The following HPSE2 variants were observed in gnomAD, a reference collection of about 807,000 sequenced individuals.
HPSE2 encodes the protein heparanase 2 (inactive).
Under a neutral mutation model 60.5 loss-of-function variants are expected in HPSE2, and 38 were observed. The ratio of observed to expected loss-of-function variants is 0.63; its 90% confidence interval spans 0.48 to 0.82. The LOEUF is 0.82. HPSE2 is among the 40% of genes least tolerant of loss of function. The pLI is 0.00. For missense variants in HPSE2, 713 were observed against 740.4 expected (o/e 0.96, Z 0.43); for synonymous variants, 295 against 293.2 (o/e 1.01, Z -0.06).
intron 3 of HPSE2, among the ~76,000 whole-genome samples, chr10:99,102,728 C>T (rs1300422302): frequency 2.0e-5 from 3 of 152,144 alleles, no homozygotes; most frequent in Admixed American, 6.5e-5. Context: ...ATGCAAAAAT[C>T]CTCAATAAAA....
At chr10:98,897,582 G>T (rs1953530822) in intron 3 of HPSE2, among the ~76,000 whole-genome samples, 1 of 151,906 alleles carries the variant, frequency 6.6e-6, no homozygotes, top group Admixed American at 6.6e-5. Context: ...TAATAAACCG[G>T]CAAAGGCAAT....
chr10:99,072,720 T>C (rs1393955875), intron 3 of HPSE2, among the ~76,000 whole-genome samples: 1 of 151,938 alleles, frequency 6.6e-6, no homozygotes, highest in African/African-American at 2.4e-5. Context: ...GGTCAAGAGA[T>C]AGAGATCATC....
At chr10:98,634,803 G>A (rs927008618) in intron 7 of HPSE2, among the ~76,000 whole-genome samples, 3 of 152,098 alleles carry the variant, frequency 2.0e-5, no homozygotes, top group East Asian at 1.9e-4. Context: ...CTCATATGAC[G>A]AACCATACAA....
the HPSE2 span, among the ~76,000 whole-genome samples, chr10:99,249,781 C>A: frequency 6.6e-6 from 1 of 152,118 alleles, no homozygotes; most frequent in African/African-American, 2.4e-5. Flanking sequence ...ATGATTGGAT[C>A]ATGGGGGTGG....
At chr10:98,664,646 C>T (rs2134095530) in intron 6 of HPSE2, among the ~76,000 whole-genome samples, 1 of 152,292 alleles carries the variant, frequency 6.6e-6, no homozygotes, top group Non-Finnish European at 1.5e-5. Context: ...TCTCAGGCGC[C>T]ATCTACTGGA....
chr10:99,059,382 C>T (rs1396274398), intron 3 of HPSE2, among the ~76,000 whole-genome samples: 1 of 152,186 alleles, frequency 6.6e-6, no homozygotes, highest in African/African-American at 2.4e-5. Context: ...AAATATATAT[C>T]TGAAATAAAT....
chr10:98,482,181 A>G (rs1941261940), intron 11 of HPSE2, among the ~76,000 whole-genome samples: 1 of 152,088 alleles, frequency 6.6e-6, no homozygotes, highest in Admixed American at 6.5e-5. Flanking sequence ...CCTTCCTGTA[A>G]GCCCTGTGAG....
At chr10:98,796,237 A>G (rs867151580) in intron 3 of HPSE2, among the ~76,000 whole-genome samples, 2 of 152,208 alleles carry the variant, frequency 1.3e-5, no homozygotes, top group South Asian at 2.1e-4. Flanking sequence ...CCCTGAGTCC[A>G]GGCCTAGGCT....
At chr10:99,220,264 A>C (rs1038267882) in intron 2 of HPSE2, among the ~76,000 whole-genome samples, 1 of 152,170 alleles carries the variant, frequency 6.6e-6, no homozygotes, top group East Asian at 1.9e-4. Context: ...ACAAATAACA[A>C]ACAGATAACT....
chr10:99,081,556 T>C (rs1589625224), intron 3 of HPSE2, among the ~76,000 whole-genome samples: 1 of 151,866 alleles, frequency 6.6e-6, no homozygotes, highest in Admixed American at 6.6e-5. Flanking sequence ...AAGAAGCTAC[T>C]AGAGTGCTAT....
intron 3 of HPSE2, among the ~76,000 whole-genome samples, chr10:99,119,257 T>C (rs1564822559): frequency 6.6e-6 from 1 of 151,850 alleles, no homozygotes; most frequent in African/African-American, 2.4e-5. Context: ...AGTCTCAAGA[T>C]AAAAAATCAA....
At chr10:99,104,032 C>T (rs1844133638) in intron 3 of HPSE2, among the ~76,000 whole-genome samples, 1 of 152,072 alleles carries the variant, frequency 6.6e-6, no homozygotes, top group Non-Finnish European at 1.5e-5. Context: ...ATAAAAACCC[C>T]AGGAGAAAAC....
At chr10:99,167,212 T>C (rs1409088989) in intron 2 of HPSE2, among the ~76,000 whole-genome samples, 1 of 152,156 alleles carries the variant, frequency 6.6e-6, no homozygotes, top group Admixed American at 6.5e-5. Context: ...AGTTTCACCA[T>C]GTTGGCCAGG....
intron 4 of HPSE2, among the ~76,000 whole-genome samples, chr10:98,725,122 G>A (rs532155866): frequency 3.6e-4 from 55 of 152,220 alleles, no homozygotes; most frequent in African/African-American, 1.3e-3. Flanking sequence ...TTTCTTCACA[G>A]AATTGGAAAA....
chr10:99,132,880 C>T (rs997616128), intron 3 of HPSE2, among the ~76,000 whole-genome samples: 5 of 152,146 alleles, frequency 3.3e-5, no homozygotes, highest in Admixed American at 6.5e-5. Flanking sequence ...GAAACGCCAG[C>T]GAGACAGAAC....
intron 3 of HPSE2, among the ~76,000 whole-genome samples, chr10:99,137,110 G>A (rs1050296521): frequency 3.3e-5 from 5 of 152,144 alleles, no homozygotes; most frequent in Admixed American, 1.3e-4. Flanking sequence ...GACAAACAGA[G>A]AGCCAAATCA....
chr10:99,146,175 T>C (rs1347632286), intron 2 of HPSE2, among the ~76,000 whole-genome samples: 1 of 152,218 alleles, frequency 6.6e-6, no homozygotes, highest in Non-Finnish European at 1.5e-5. Context: ...TTATATAAAT[T>C]ACGTTCTATA....
intron 3 of HPSE2, among the ~76,000 whole-genome samples, chr10:98,796,941 C>A (rs2095597): frequency 0.055 from 8,317 of 152,208 alleles, 715 homozygotes; most frequent in African/African-American, 0.18. Context: ...GGTAGCTCTA[C>A]GAGTCTGCAA....
At chr10:99,198,800 C>T (rs538079559) in intron 2 of HPSE2, among the ~76,000 whole-genome samples, 37 of 152,240 alleles carry the variant, frequency 2.4e-4, no homozygotes, top group African/African-American at 8.7e-4. Flanking sequence ...AATTAATCAT[C>T]GTGCATATGT....
Sources: allele counts gnomAD v4.1 joint callset (sites outside exome capture counted in the v4.1 genomes callset), GRCh38; gene constraint gnomAD v4.1.1; transcripts MANE v1.5; gene names NCBI Gene and HGNC (gene_info 2026-07-23, HGNC 2026-07-21).